ATG16L1: variants seen among roughly 807,000 people sequenced by gnomAD.
The protein encoded by ATG16L1 is autophagy related 16 like 1.
Under a neutral mutation model 88.5 loss-of-function variants are expected in ATG16L1, and 37 were observed. The ratio of observed to expected loss-of-function variants is 0.42; its 90% confidence interval spans 0.32 to 0.55. ATG16L1 has a LOEUF of 0.55. Among genes scored for constraint, ATG16L1 ranks in the 20% least tolerant of loss-of-function variants. The pLI is 0.13. For synonymous variants in ATG16L1, 301 were observed against 281.0 expected (o/e 1.07, Z -0.71); for missense variants, 554 against 752.8 (o/e 0.74, Z 3.09).
At chr2:233,283,606 A>G (rs1007579646) in intron 12 of ATG16L1, among the ~76,000 whole-genome samples, 17 of 150,804 alleles carry the variant, frequency 1.1e-4, no homozygotes, top group Admixed American at 9.3e-4. Flanking sequence ...TGTGGGGTAC[A>G]GTAGTGTGAT....
Position 233,294,322 on chromosome 2 carries a change from G to A in ATG16L1, c.1796G>A (p.Cys599Tyr). 1 of 1,613,732 alleles carries A rather than the reference G, an allele frequency of 6.2e-7. No individual in the cohort carries two copies. Among genetic ancestry groups the A allele is most frequent in the Non-Finnish European group, 8.5e-7 (1 of 1,179,930 alleles). Residue 599 changes from cysteine to tyrosine, a missense_variant, in exon 18 of 18, where the codon TGC (cysteine) becomes TAC (tyrosine). Physicochemically the swap from Cys to Tyr is radical, Grantham distance 194. Around this residue, in one of 5 missense-constraint regions of ATG16L1, gnomAD observed 370 missense variants for 509.7 expected, o/e 0.73. Transcript: ENST00000392017. ...CACGTTGTCAGTGTGGACAAAGGAT[G>A]CAAAGCTGTGCTGTGGGCACAGTAC... Reference protein sequence around the residue: ...GSHVVSVDKGCKAVLWAQY With the variant: ...GSHVVSVDKGYKAVLWAQY
At chr2:233,262,230 G>A (rs184088710) in intron 2 of ATG16L1, among the ~76,000 whole-genome samples, 131 of 152,238 alleles carry the variant, frequency 8.6e-4, no homozygotes, top group Non-Finnish European at 1.5e-3. Flanking sequence ...GAATCAGACC[G>A]TATCTCACCT....
At position 233,263,111 on chromosome 2, in the gene ATG16L1, G is replaced by A. The variant is rs780174022; in HGVS notation, c.210-19G>A. 1 of 1,609,332 alleles carries A rather than the reference G, an allele frequency of 6.2e-7. No individual in the cohort carries two copies. Among genetic ancestry groups the A allele is most frequent in the Admixed American group, 1.7e-5 (1 of 59,896 alleles). On this transcript the variant is annotated intron_variant, in intron 2 of 17. Transcript: ENST00000392017. ...CGTTTTTTGCACATTCTCTTCATCT[G>A]CCTGGTTTGCCAATTTAGTCCCGGA...
intron 12 of ATG16L1, chr2:233,288,634 G>C: frequency 2.4e-6 from 1 of 414,472 alleles, no homozygotes; most frequent in East Asian, 6.1e-5. Context: ...TGAACCTCTG[G>C]TGTTTTACAC....
intron 14 of ATG16L1, 147 bp from the exon 15 acceptor site, chr2:233,291,981 C>T (rs1172497913): frequency 1.2e-6 from 1 of 865,072 alleles, no homozygotes; most frequent in African/African-American, 1.7e-5. Flanking sequence ...AAAGCAGTCA[C>T]AGGTTATTAG....
chr2:233,293,876 C>T (rs922556809), intron 17 of ATG16L1, among the ~76,000 whole-genome samples: 1 of 152,206 alleles, frequency 6.6e-6, no homozygotes, highest in Non-Finnish European at 1.5e-5. Flanking sequence ...CAGAACCTCT[C>T]TCCCTGTCCT....
chr2:233,290,054 A>G (rs2125296578), intron 13 of ATG16L1, 80 bp downstream of exon 13: 1 of 1,586,620 alleles, frequency 6.3e-7, no homozygotes, highest in Non-Finnish European at 8.6e-7. Flanking sequence ...CAGAGCCTGC[A>G]TTTATGTAAT....
chr2:233,294,125 C>T, intron 17 of ATG16L1, 132 bp from the exon 18 acceptor site: 1 of 623,412 alleles, frequency 1.6e-6, no homozygotes. Context: ...GTCGCGGGCA[C>T]AGTGCCAGAG....
intron 12 of ATG16L1, among the ~76,000 whole-genome samples, chr2:233,285,260 GC>G (rs1163150821): frequency 1.3e-5 from 2 of 150,160 alleles, no homozygotes; most frequent in African/African-American, 5.0e-5. Flanking sequence ...GGGGCCTACA[GC>G]CTTTTTTTTA....
At position 233,263,300 on chromosome 2, in the gene ATG16L1, A is replaced by T. The variant is rs1055660777; in HGVS notation, c.315+65A>T. On this transcript the variant is annotated intron_variant, in intron 3 of 17. Coordinates refer to ENST00000392017, the MANE Select transcript of ATG16L1 (RefSeq NM_030803.7). Reference sequence around the variant, plus strand: ...ATGAGAGTCCTGTGGGGAGCGGGGGAGCTCAGTCACTTCTCACCAGAATTG... The same window carrying T: ...ATGAGAGTCCTGTGGGGAGCGGGGGTGCTCAGTCACTTCTCACCAGAATTG... The T allele has an allele frequency of 1.6e-5, 23 of 1,446,550 alleles. No homozygotes were observed. The African/African-American group carries it at 3.1e-4, about 20-fold the overall frequency. The allele number at this position is 1,446,550 out of a possible 1,614,324, so 89.6% of individuals were successfully genotyped here. A position where few individuals can be genotyped will look rare whatever the true frequency, so the allele number is the denominator to read the frequency against.
Position 233,273,959 on chromosome 2 carries a change from G to T in ATG16L1, c.851+182G>T, listed in dbSNP as rs950486407. 4 of 1,548,954 alleles carry T rather than the reference G, an allele frequency of 2.6e-6. No homozygotes were observed. The African/African-American group carries it at 5.5e-5, about 21-fold the overall frequency. On this transcript the variant is annotated intron_variant, in intron 8 of 17. Transcript: ENST00000392017. ...CTCAACTTCCTTTCCTCTTAATCTC[G>T]CTGCGTGCTGATCTCTGGCCTTTCC...
intron 14 of ATG16L1, 83 bp from the exon 15 acceptor site, chr2:233,292,045 G>C: frequency 6.6e-7 from 1 of 1,517,012 alleles, no homozygotes. Context: ...TAGTTGAATT[G>C]CAGTGCCTTT....
intron 8 of ATG16L1, chr2:233,274,253 C>T (rs958224113): frequency 2.3e-5 from 13 of 555,402 alleles, no homozygotes; most frequent in South Asian, 1.3e-4. Context: ...TTTTGGCATG[C>T]GTTAGACTCC....
At chr2:233,272,101 T>G (rs1430134554) in intron 6 of ATG16L1, among the ~76,000 whole-genome samples, 1 of 152,220 alleles carries the variant, frequency 6.6e-6, no homozygotes, top group Non-Finnish European at 1.5e-5. Context: ...ATCCAAACAG[T>G]AGGTGATGAA....
chr2:233,293,759 T>C (rs934540474), intron 17 of ATG16L1, among the ~76,000 whole-genome samples: 4 of 151,718 alleles, frequency 2.6e-5, no homozygotes, highest in Admixed American at 1.3e-4. Flanking sequence ...CCACACACCT[T>C]CTTTTATCTT....
rs752216837 is a variant in ATG16L1, at chr2:233,265,081, A to G, written c.579A>G (p.Arg193=). 1 of 1,614,204 alleles carries G rather than the reference A, an allele frequency of 6.2e-7. No homozygotes were observed. The highest frequency in any genetic ancestry group is 8.5e-7 in the Non-Finnish European group (1 of 1,180,026). ...TTEENQELVT[R]WMAEKAQEAN... ...AAGAGAACCAGGAGCTGGTCACCAG[A>G]TGGATGGCTGAGAAAGCCCAGGAAG... is the stretch of plus-strand genomic sequence containing the variant. Residue 193 remains arginine (R), a synonymous_variant, in exon 5 of 18, where the codon AGA becomes AGG. Coordinates refer to ENST00000392017, the MANE Select transcript of ATG16L1 (RefSeq NM_030803.7).
intron 12 of ATG16L1, among the ~76,000 whole-genome samples, chr2:233,287,614 A>G (rs1699171605): frequency 6.6e-6 from 1 of 152,262 alleles, no homozygotes; most frequent in Non-Finnish European, 1.5e-5. Context: ...ACAGTGGTTC[A>G]TGCCTGTAAT....
At chr2:233,293,112 A>G (rs1169603074) in intron 16 of ATG16L1, 144 bp from the exon 17 acceptor site, 1 of 719,112 alleles carries the variant, frequency 1.4e-6, no homozygotes. Flanking sequence ...TGGAAGGGCC[A>G]TGACTAGCAC....
chr2:233,293,272 G>A lies in ATG16L1; in HGVS notation c.1645G>A (p.Val549Met). ...RVVFSPDGSYVAAGSAEGSLY... is the reference protein window; with the variant it reads ...RVVFSPDGSYMAAGSAEGSLY... ...CTTCTGTAGCCCTGATGGCAGTTAC[G>A]TGGCGGCAGGCTCTGCTGAGGGCTC... Residue 549 changes from valine to methionine, a missense_variant, in exon 17 of 18, where the codon GTG (valine) becomes ATG (methionine). Coordinates refer to ENST00000392017, the MANE Select transcript of ATG16L1 (RefSeq NM_030803.7). 1 of 1,614,148 alleles carries A rather than the reference G, an allele frequency of 6.2e-7. No homozygotes were observed. Among genetic ancestry groups the A allele is most frequent in the East Asian group, 2.2e-5 (1 of 44,892 alleles).
Sources: allele counts gnomAD v4.1 joint callset (sites outside exome capture counted in the v4.1 genomes callset), GRCh38; gene constraint gnomAD v4.1.1; regional missense constraint gnomAD v4.1.1; transcripts MANE v1.5; gene names NCBI Gene and HGNC (gene_info 2026-07-23, HGNC 2026-07-21).